Variants in DRD3 observed in about 807,000 individuals in gnomAD.
The protein encoded by DRD3 is dopamine receptor D3.
Under a neutral mutation model 36.3 loss-of-function variants are expected in DRD3, and 19 were observed. The ratio of observed to expected loss-of-function variants is 0.52; its 90% CI spans 0.36 to 0.77. DRD3 has a LOEUF of 0.77. Among genes scored for constraint, DRD3 ranks in the 30% least tolerant of loss-of-function variants. DRD3 has a pLI of 0.00. For synonymous variants in DRD3, 195 were observed against 203.7 expected, an observed-to-expected ratio of 0.96 and a Z score of 0.36; for missense variants, 465 against 505.3, an observed-to-expected ratio of 0.92 and a Z score of 0.77.
chr3:114,152,983 G>T (rs1009054188), intron 3 of DRD3, among the ~76,000 whole-genome samples: 1 of 152,230 alleles, frequency 6.6e-6, no homozygotes, highest in Admixed American at 6.5e-5. Flanking sequence ...CAGACCCTGA[G>T]CCAGGGACCC....
intron 1 of DRD3, among the ~76,000 whole-genome samples, chr3:114,173,913 C>T (rs1308766011): frequency 3.9e-5 from 6 of 152,132 alleles, no homozygotes; most frequent in Non-Finnish European, 7.3e-5. Flanking sequence ...GTAGCTCTCC[C>T]TTGATTAGGA....
Position 114,164,207 on chromosome 3 carries a change from C to T in DRD3, c.271-4340G>A, listed in dbSNP as rs1243447503. On this transcript the variant is annotated intron_variant, in intron 2 of 6. Transcript: ENST00000383673. ...CTGCACTCCAGCCTGGGTGATAGAG[C>T]GAGCCTCAGTCTCAAAAAAAAAAAA... Among the ~76,000 whole-genome samples the T allele has an allele frequency of 2.2e-4, 18 of 82,820 alleles. 1 individual carries two copies. The highest frequency in any genetic ancestry group is 1.1e-3 in the East Asian group (3 of 2,780). The allele number at this position is 82,820 out of a possible 152,430, so 54.3% of individuals were successfully genotyped here.
chr3:114,166,551 A>C (rs1380027042), intron 2 of DRD3, among the ~76,000 whole-genome samples: 1 of 152,170 alleles, frequency 6.6e-6, no homozygotes, highest in East Asian at 1.9e-4. Context: ...GACAGCATGA[A>C]GGCCCTTCCC....
Position 114,139,521 on chromosome 3 carries a change from GAC to G in DRD3, c.700_701del (p.Val234GlnfsTer12), listed in dbSNP as rs747924074. 6.2e-7 allele frequency: 1 copy of G among 1,613,782 alleles called. No homozygotes were observed. Among genetic ancestry groups the G allele is most frequent in the African/African-American group, 1.3e-5 (1 of 75,050 alleles). On this transcript the variant is annotated frameshift_variant, in exon 5 of 7. Coordinates refer to ENST00000383673, the MANE Select transcript of DRD3 (RefSeq NM_000796.6). LOFTEE classifies it high-confidence loss of function. ...TTACTTGCTGGGGGAAGCCAGGCCT[GAC>G]ACTGTTGCACTGACTGTTCTGTCGA... is the stretch of plus-strand genomic sequence containing the variant. ...LTRQNSQCNS[V>X]RPGFPQQTLS...
In DRD3 at chr3:114,147,450, A is replaced by T; in HGVS notation, c.491T>A (p.Val164Glu). The change falls in exon 4 of 7, where the codon GTG (valine) becomes GAG (glutamate). Residue 164 changes from valine to glutamate, a missense_variant. By Grantham distance (121) the Val-to-Glu change is moderately radical. Coordinates refer to ENST00000383673, the MANE Select transcript of DRD3 (RefSeq NM_000796.6). ...AAAGCCAAACAGAAGAGGGCAGGAC[A>T]CAGCAAAGGCCAGTACCCAGACGGC... Reference protein sequence around the residue: ...ITAVWVLAFAVSCPLLFGFNT... With the variant: ...ITAVWVLAFAESCPLLFGFNT... The T allele has an allele frequency of 6.2e-7, 1 of 1,613,900 alleles. No individual in the cohort carries two copies. Among genetic ancestry groups the T allele is most frequent in the Non-Finnish European group, 8.5e-7 (1 of 1,180,002 alleles).
chr3:114,169,967 G>C (rs2077823816), intron 2 of DRD3, among the ~76,000 whole-genome samples: 1 of 152,190 alleles, frequency 6.6e-6, no homozygotes, highest in East Asian at 1.9e-4. Flanking sequence ...TAGAGTGAAG[G>C]TCCACTGCCT....
At chr3:114,157,263 A>G (rs1010516179) in intron 3 of DRD3, among the ~76,000 whole-genome samples, 2 of 152,026 alleles carry the variant, frequency 1.3e-5, no homozygotes, top group Non-Finnish European at 2.9e-5. Context: ...CATATTGGCC[A>G]GCCTGGTCTC....
intron 4 of DRD3, among the ~76,000 whole-genome samples, chr3:114,145,548 C>A (rs2077562837): frequency 6.6e-6 from 1 of 152,180 alleles, no homozygotes; most frequent in Admixed American, 6.5e-5. Context: ...AACAAGCCAG[C>A]CTTGAGTAGG....
intron 1 of DRD3, among the ~76,000 whole-genome samples, chr3:114,196,648 G>A (rs2078036845): frequency 6.6e-6 from 1 of 152,164 alleles, no homozygotes; most frequent in Admixed American, 6.5e-5. Context: ...ACCTTGTATG[G>A]CCAGTCATTT....
chr3:114,141,222 A>T (rs2077521004), intron 4 of DRD3, among the ~76,000 whole-genome samples: 4 of 151,888 alleles, frequency 2.6e-5, no homozygotes, highest in South Asian at 2.1e-4. Context: ...TTAGTAGAGA[A>T]GGGGTTTCTC....
chr3:114,183,003 T>C (rs2077956496), upstream of DRD3, among the ~76,000 whole-genome samples: 1 of 152,212 alleles, frequency 6.6e-6, no homozygotes, highest in South Asian at 2.1e-4. Flanking sequence ...CTTTTAGATA[T>C]ATATCCAGAA....
At chr3:114,198,548 T>A (rs1269719666) in intron 1 of DRD3, among the ~76,000 whole-genome samples, 1 of 152,198 alleles carries the variant, frequency 6.6e-6, no homozygotes, top group East Asian at 1.9e-4. Context: ...TAGTAGGATT[T>A]TTTTTGGGTA....
At chr3:114,167,765 C>T (rs949582164) in intron 2 of DRD3, among the ~76,000 whole-genome samples, 1 of 152,200 alleles carries the variant, frequency 6.6e-6, no homozygotes, top group Non-Finnish European at 1.5e-5. Flanking sequence ...TGGGCAGTAT[C>T]CAAAGAAGAA....
chr3:114,153,199 A>G (rs2077634916), intron 3 of DRD3, among the ~76,000 whole-genome samples: 1 of 152,020 alleles, frequency 6.6e-6, no homozygotes, highest in Non-Finnish European at 1.5e-5. Context: ...TCATCTGTAC[A>G]ATGGGGATAA....
At chr3:114,138,771 A>T (rs537114256) in intron 5 of DRD3, among the ~76,000 whole-genome samples, 23 of 152,280 alleles carry the variant, frequency 1.5e-4, no homozygotes, top group Non-Finnish European at 2.9e-4. Flanking sequence ...CATTGAGTGG[A>T]GGGGTGCTTT....
chr3:114,196,260 A>C (rs2078035263), intron 1 of DRD3, among the ~76,000 whole-genome samples: 1 of 152,182 alleles, frequency 6.6e-6, no homozygotes, highest in South Asian at 2.1e-4. Flanking sequence ...GAACATACAT[A>C]CACAAATCTT....
intron 4 of DRD3, 138 bp from the exon 5 acceptor site, chr3:114,139,834 C>T (rs972894078): frequency 8.5e-6 from 6 of 708,084 alleles, no homozygotes; most frequent in South Asian, 4.2e-5. Flanking sequence ...GTCTCAGATA[C>T]GTATACTGTC....
At chr3:114,172,354 T>G (rs1383585158) in intron 1 of DRD3, among the ~76,000 whole-genome samples, 1 of 152,186 alleles carries the variant, frequency 6.6e-6, no homozygotes, top group Admixed American at 6.5e-5. Flanking sequence ...TGAGTGAGTA[T>G]CTGAGTATAA....
At chr3:114,180,823 G>T (rs2077943214), upstream of DRD3, among the ~76,000 whole-genome samples, 1 of 152,232 alleles carries the variant, frequency 6.6e-6, no homozygotes, top group Middle Eastern at 3.4e-3. Context: ...TGGATAAGGG[G>T]ACCAAGAGAA....
Sources: gnomAD v4.1 joint callset for allele counts (sites outside exome capture counted in the v4.1 genomes callset) on GRCh38, gnomAD v4.1.1 for gene constraint, MANE v1.5 for transcripts, NCBI Gene and HGNC (gene_info 2026-07-23, HGNC 2026-07-21) for gene names.